The following EEIG1 variants were observed in gnomAD, a reference collection of about 807,000 sequenced individuals.
The protein encoded by EEIG1 is early estrogen-induced gene 1 protein.
At chr9:127,966,114 G>C in the EEIG1 span, among the ~76,000 whole-genome samples, 2 of 152,244 alleles carry the variant, frequency 1.3e-5, no homozygotes, top group African/African-American at 4.8e-5. Flanking sequence ...GAAGCACAGA[G>C]TGGACAGCCC....
the EEIG1 span, among the ~76,000 whole-genome samples, chr9:127,946,848 CAT>C: frequency 6.6e-6 from 1 of 152,232 alleles, no homozygotes; most frequent in Non-Finnish European, 1.5e-5. Context: ...TGCTGGGCCA[CAT>C]GAGGCCTGTG....
the EEIG1 span, chr9:127,979,848 C>A: frequency 5.9e-6 from 6 of 1,016,094 alleles, no homozygotes; most frequent in Non-Finnish European, 8.3e-6. Flanking sequence ...CAGGCCCAGT[C>A]CTGCCTTGTG....
the EEIG1 span, among the ~76,000 whole-genome samples, chr9:127,959,921 TG>T: frequency 6.6e-6 from 1 of 152,142 alleles, no homozygotes; most frequent in Non-Finnish European, 1.5e-5. Flanking sequence ...GTGATGAAAA[TG>T]TTCTAAAATT....
At chr9:127,965,613 T>C in the EEIG1 span, among the ~76,000 whole-genome samples, 1 of 152,144 alleles carries the variant, frequency 6.6e-6, no homozygotes, top group African/African-American at 2.4e-5. Context: ...CTGCCTGCTC[T>C]CCCAGCCCTT....
chr9:127,976,611 C>T, the EEIG1 span, among the ~76,000 whole-genome samples: 2 of 152,220 alleles, frequency 1.3e-5, no homozygotes, highest in Non-Finnish European at 2.9e-5. The surrounding 1 kb of genome is among the most constrained non-coding windows in gnomAD (Gnocchi z 4.1). Flanking sequence ...GCGTGAGGAT[C>T]GCTGCTCTCA....
chr9:127,980,202 C>T, the EEIG1 span: 4 of 1,507,590 alleles, frequency 2.7e-6, no homozygotes, highest in African/African-American at 1.4e-5. Context: ...GGATTCCTTT[C>T]CCTACACCAC....
At chr9:127,960,337 T>C in the EEIG1 span, among the ~76,000 whole-genome samples, 1 of 151,654 alleles carries the variant, frequency 6.6e-6, no homozygotes, top group Non-Finnish European at 1.5e-5. Context: ...TCAGAGGGGA[T>C]GAGATGGGTG....
At chr9:127,970,668 G>C in the EEIG1 span, among the ~76,000 whole-genome samples, 2 of 152,254 alleles carry the variant, frequency 1.3e-5, no homozygotes, top group East Asian at 1.9e-4. Flanking sequence ...AACTACAAAT[G>C]TGACTCGGAT....
At chr9:127,943,083 G>C in the EEIG1 span, 4 of 984,952 alleles carry the variant, frequency 4.1e-6, no homozygotes, top group African/African-American at 6.4e-5. Context: ...GAGGAGGCAT[G>C]GATGAGATGT....
the EEIG1 span, among the ~76,000 whole-genome samples, chr9:127,967,311 C>T: frequency 6.6e-6 from 1 of 152,298 alleles, no homozygotes; most frequent in East Asian, 1.9e-4. Flanking sequence ...GAGCCAAGCA[C>T]TCTCCCTGAC....
chr9:127,952,607 G>A, the EEIG1 span, among the ~76,000 whole-genome samples: 3 of 152,254 alleles, frequency 2.0e-5, no homozygotes, highest in East Asian at 5.8e-4. Flanking sequence ...ACCATCGCCA[G>A]CCATGCCACG....
chr9:127,972,147 G>C, the EEIG1 span, among the ~76,000 whole-genome samples: 1 of 152,200 alleles, frequency 6.6e-6, no homozygotes, highest in African/African-American at 2.4e-5. This position sits in a 1 kb window ranked among gnomAD's most constrained non-coding sequence, Gnocchi z 4.3. Flanking sequence ...AAGCCCCTCA[G>C]CCCAGCCTGG....
At chr9:127,964,738 G>A in the EEIG1 span, among the ~76,000 whole-genome samples, 376 of 152,266 alleles carry the variant, frequency 2.5e-3, no homozygotes, top group Non-Finnish European at 3.9e-3. Flanking sequence ...GAAGCCCTGC[G>A]GGGGCAGGTG....
At chr9:127,953,505 G>T in the EEIG1 span, 1 of 1,436,136 alleles carries the variant, frequency 7.0e-7, no homozygotes, top group Non-Finnish European at 9.8e-7. Flanking sequence ...AGGGGCTGGA[G>T]GCTTCCCTTG....
the EEIG1 span, chr9:127,941,072 G>C: frequency 1.3e-5 from 2 of 152,206 alleles, no homozygotes; most frequent in Admixed American, 1.3e-4. Context: ...GAGCTCAAGG[G>C]GACAAGAGGG....
the EEIG1 span, chr9:127,980,394 A>T: frequency 2.5e-6 from 1 of 397,562 alleles, no homozygotes; most frequent in Non-Finnish European, 4.6e-6. Flanking sequence ...ACCGGCATGT[A>T]AACAGCAGGG....
the EEIG1 span, chr9:127,944,831 T>C: frequency 6.2e-7 from 1 of 1,612,458 alleles, no homozygotes; most frequent in South Asian, 1.1e-5. Flanking sequence ...TTCTCCACGA[T>C]GGCATCCGCA....
the EEIG1 span, among the ~76,000 whole-genome samples, chr9:127,971,969 C>T: frequency 6.6e-5 from 10 of 152,150 alleles, no homozygotes; most frequent in Admixed American, 4.6e-4. Flanking sequence ...AGCCTGATGC[C>T]GGGAGTGGCG....
chr9:127,980,857 G>A, the EEIG1 span, among the ~76,000 whole-genome samples: 3 of 149,060 alleles, frequency 2.0e-5, no homozygotes, highest in East Asian at 5.9e-4. Flanking sequence ...CGCGGGCCCC[G>A]GCGGAGCTGA....
Sources: gnomAD v4.1 joint callset for allele counts (sites outside exome capture counted in the v4.1 genomes callset) on GRCh38, gnomAD v4.1.1 for gene constraint, Gnocchi (gnomAD v3.1) non-coding constraint, MANE v1.5 for transcripts, NCBI Gene and HGNC (gene_info 2026-07-23, HGNC 2026-07-21) for gene names.